Variants in WDR20 observed in about 807,000 individuals in gnomAD.
The protein encoded by WDR20 is WD repeat domain 20.
A neutral mutation model predicts 38.7 loss-of-function variants in WDR20; 3 were observed. The ratio of observed to expected loss-of-function variants is 0.08; its 90% CI spans 0.04 to 0.20. The LOEUF (loss-of-function observed/expected upper bound fraction) is 0.20, where lower values mean the gene tolerates loss of function less well. WDR20 is among the 10% of genes least tolerant of loss of function. WDR20 has a pLI of 1.00. For synonymous variants in WDR20, 298 were observed against 285.6 expected, an observed-to-expected ratio of 1.04 and a Z score of -0.44; for missense variants, 559 against 727.7, an observed-to-expected ratio of 0.77 and a Z score of 2.67.
rs1036001869 is a variant in WDR20 at position 102,194,832 on chromosome 14, CTTTGTT to C, written c.250-102_250-97del. 7 of 1,246,208 alleles carry C rather than the reference CTTTGTT, an allele frequency of 5.6e-6. No homozygotes were observed. The African/African-American group carries it at 1.1e-4, about 19-fold the overall frequency. The allele number at this position is 1,246,208 out of a possible 1,614,324, so 77.2% of individuals were successfully genotyped here. ...ACAACTGAAAAAACATTTTAAATCA[CTTTGTT>C]TTTAAGATGAAACATCATAATGGAG... On this transcript the variant is annotated intron_variant, in intron 1 of 2. Coordinates refer to ENST00000342702, the MANE Select transcript of WDR20 (RefSeq NM_144574.4).
At chr14:102,158,500 G>C (rs886460651) in intron 1 of WDR20, among the ~76,000 whole-genome samples, 1 of 152,060 alleles carries the variant, frequency 6.6e-6, no homozygotes, top group Non-Finnish European at 1.5e-5. Flanking sequence ...GTTTCACCAT[G>C]TTGGTCAGGC....
At chr14:102,176,241 A>G (rs1230260743) in intron 1 of WDR20, among the ~76,000 whole-genome samples, 6 of 151,884 alleles carry the variant, frequency 4.0e-5, no homozygotes, top group African/African-American at 1.2e-4. Context: ...AAAAATACAA[A>G]AAAATTAGCC....
chr14:102,192,628 C>T (rs913461840), intron 1 of WDR20, among the ~76,000 whole-genome samples: 1 of 152,178 alleles, frequency 6.6e-6, no homozygotes, highest in Non-Finnish European at 1.5e-5. Context: ...CTAAGTCTAA[C>T]TCTAAACTGG....
intron 1 of WDR20, among the ~76,000 whole-genome samples, chr14:102,189,209 C>T (rs2065722365): frequency 1.3e-5 from 2 of 151,444 alleles, no homozygotes; most frequent in African/African-American, 4.9e-5. Context: ...GACCCTGTCT[C>T]AATAATAATA....
downstream of WDR20, among the ~76,000 whole-genome samples, chr14:102,219,690 G>T (rs141705554): frequency 6.2e-4 from 94 of 152,356 alleles, no homozygotes; most frequent in South Asian, 1.0e-3. Flanking sequence ...CGTGCTTCCT[G>T]AGTGCTGCAG....
Position 102,180,404 on chromosome 14 carries a change from GTCT to G in WDR20, c.250-14532_250-14530del, listed in dbSNP as rs1474254297. Among the ~76,000 whole-genome samples the G allele has an allele frequency of 2.0e-5, 3 of 152,288 alleles. No homozygotes were observed. In the South Asian group the frequency reaches 6.2e-4, roughly 32 times the overall value. ...TCTGCTCTTAACCACTCTTTAGAGTGTCTTGCACGTTTTCAACCAGAGCTTTCT... is the reference window on the plus strand; with the variant it reads ...TCTGCTCTTAACCACTCTTTAGAGTGTGCACGTTTTCAACCAGAGCTTTCT... On this transcript the variant is annotated intron_variant, in intron 1 of 2. Transcript: ENST00000342702.
intron 1 of WDR20, 171 bp downstream of exon 1, chr14:102,140,343 G>GGGTGGT: frequency 1.7e-6 from 2 of 1,166,682 alleles, no homozygotes; most frequent in Non-Finnish European, 2.3e-6. Context: ...GGAGTAAGGA[G>GGGTGGT]GGTGGTGGCG....
downstream of WDR20, chr14:102,214,250 C>G (rs2153040626): frequency 2.0e-6 from 2 of 985,642 alleles, no homozygotes; most frequent in Non-Finnish European, 2.4e-6. Context: ...CAGGGCCCCC[C>G]CTTGTCTGGA....
chr14:102,206,456 GTTTT>G (rs1400809196), intron 2 of WDR20, among the ~76,000 whole-genome samples: 1 of 152,140 alleles, frequency 6.6e-6, no homozygotes, highest in African/African-American at 2.4e-5. Context: ...TTTTTGTTGT[GTTTT>G]TTAAGGCCCA....
intron 2 of WDR20, among the ~76,000 whole-genome samples, chr14:102,201,908 C>T (rs888766589): frequency 6.6e-6 from 1 of 152,144 alleles, no homozygotes; most frequent in African/African-American, 2.4e-5. Context: ...ACCTGCCCTG[C>T]CCATCTCTCA....
chr14:102,165,621 TTTTTC>T (rs1235793443), intron 1 of WDR20, among the ~76,000 whole-genome samples: 8 of 151,088 alleles, frequency 5.3e-5, no homozygotes, highest in Non-Finnish European at 8.8e-5. Flanking sequence ...TTTTTGTTTC[TTTTTC>T]TTTTCTTTTC....
At chr14:102,214,032 G>T (rs761626171), downstream of WDR20, 8 of 985,520 alleles carry the variant, frequency 8.1e-6, no homozygotes, top group Non-Finnish European at 9.6e-6. Context: ...CCCTGCCTCC[G>T]GTGCCGGTGG....
rs1483698085 is a variant in WDR20, at chr14:102,222,411, G to C, written c.1693-419G>C. Among the ~76,000 whole-genome samples, 1 of 152,206 alleles carries C rather than the reference G, an allele frequency of 6.6e-6. No homozygotes were observed. The highest frequency in any genetic ancestry group is 1.5e-5 in the Non-Finnish European group (1 of 68,032). On this transcript the variant is annotated intron_variant, in intron 3 of 3. Transcript: ENST00000335263. The surrounding 1 kb of genome is among the most constrained non-coding windows in gnomAD (Gnocchi z 4.4). ...ACTCTATCCTTGGAGACAACCCCTGGCTCCGAGGGACTGGGTGTGCGGTCC... is the reference window on the plus strand; with the variant it reads ...ACTCTATCCTTGGAGACAACCCCTGCCTCCGAGGGACTGGGTGTGCGGTCC...
At chr14:102,212,444 G>T (rs2062665717), downstream of WDR20, 3 of 1,492,140 alleles carry the variant, frequency 2.0e-6, no homozygotes, top group African/African-American at 1.4e-5. Flanking sequence ...CTCAGCCCAG[G>T]CTGGCCCAGG....
chr14:102,196,463 G>A (rs995462164), intron 2 of WDR20, among the ~76,000 whole-genome samples: 21 of 152,128 alleles, frequency 1.4e-4, no homozygotes, highest in African/African-American at 5.1e-4. Context: ...GGCCTCCTCT[G>A]CACTGTTAGC....
chr14:102,158,813 T>G (rs1340352198), intron 1 of WDR20, among the ~76,000 whole-genome samples: 2 of 152,072 alleles, frequency 1.3e-5, no homozygotes, highest in Non-Finnish European at 2.9e-5. Flanking sequence ...TAAAGTCACC[T>G]CCCCGACTCG....
At chr14:102,187,352 T>C (rs1053821828) in intron 1 of WDR20, among the ~76,000 whole-genome samples, 1 of 151,984 alleles carries the variant, frequency 6.6e-6, no homozygotes, top group Non-Finnish European at 1.5e-5. Flanking sequence ...AGCTAATAAG[T>C]GTGGCACATA....
intron 1 of WDR20, among the ~76,000 whole-genome samples, chr14:102,143,507 C>T (rs978044923): frequency 1.3e-5 from 2 of 151,936 alleles, no homozygotes; most frequent in Admixed American, 6.6e-5. Context: ...AAGACCCTGT[C>T]CCTCTCCCCA....
chr14:102,145,793 T>C (rs1199711163), intron 1 of WDR20, among the ~76,000 whole-genome samples: 3 of 151,826 alleles, frequency 2.0e-5, no homozygotes, highest in Admixed American at 2.0e-4. Context: ...CAATCAATAA[T>C]AAACAAAAAC....
Sources: gnomAD v4.1 joint callset for allele counts (sites outside exome capture counted in the v4.1 genomes callset) on GRCh38, gnomAD v4.1.1 for gene constraint, Gnocchi (gnomAD v3.1) non-coding constraint, MANE v1.5 for transcripts, NCBI Gene and HGNC (gene_info 2026-07-23, HGNC 2026-07-21) for gene names.